The following BNC2 variants were observed in gnomAD, a reference collection of about 807,000 sequenced individuals.
BNC2 encodes zinc finger protein basonuclin-2.
BNC2 carries 20 observed loss-of-function variants against 76.3 expected under a neutral mutation model. The ratio of observed to expected loss-of-function variants is 0.26; its 90% CI spans 0.18 to 0.38. The LOEUF is 0.38. Ranked by LOEUF, BNC2 falls within the 10% of genes least tolerant of loss-of-function variation. The pLI is 1.00. For missense variants in BNC2, 1,382 were observed against 1,399.8 expected (o/e 0.99, Z 0.20); for synonymous variants, 582 against 514.8 (o/e 1.13, Z -1.77).
At chr9:16,776,334 T>C (rs1459080704) in intron 1 of BNC2, among the ~76,000 whole-genome samples, 1 of 152,076 alleles carries the variant, frequency 6.6e-6, no homozygotes, top group African/African-American at 2.4e-5. Context: ...GAGACGGGGT[T>C]TCACCATGTT....
intron 6 of BNC2, among the ~76,000 whole-genome samples, chr9:16,433,527 A>C (rs1490605024): frequency 6.6e-6 from 1 of 152,180 alleles, no homozygotes; most frequent in Admixed American, 6.5e-5. Flanking sequence ...CACTCACTAA[A>C]ATCCTGATAC....
At chr9:16,641,105 G>C (rs1470394623) in intron 3 of BNC2, among the ~76,000 whole-genome samples, 1 of 152,084 alleles carries the variant, frequency 6.6e-6, no homozygotes, top group African/African-American at 2.4e-5. Flanking sequence ...AAAATACAAA[G>C]AATGAAGGCT....
intron 4 of BNC2, among the ~76,000 whole-genome samples, chr9:16,577,618 A>G (rs1819522238): frequency 6.6e-6 from 1 of 152,216 alleles, no homozygotes; most frequent in Non-Finnish European, 1.5e-5. Flanking sequence ...AGGAGTTTGG[A>G]GAAAATATAG....
At chr9:16,535,884 C>G (rs1818116025) in intron 5 of BNC2, among the ~76,000 whole-genome samples, 1 of 152,070 alleles carries the variant, frequency 6.6e-6, no homozygotes, top group Non-Finnish European at 1.5e-5. Context: ...CCTTAAGAAC[C>G]CTACAACTAT....
intron 5 of BNC2, among the ~76,000 whole-genome samples, chr9:16,523,655 C>T (rs145519547): frequency 1.2e-4 from 18 of 152,156 alleles, no homozygotes; most frequent in African/African-American, 4.3e-4. Flanking sequence ...TGGCCCAGCG[C>T]GGTGGCTCAC....
chr9:16,511,241 G>A (rs897971071), intron 5 of BNC2, among the ~76,000 whole-genome samples: 3 of 149,814 alleles, frequency 2.0e-5, no homozygotes, highest in African/African-American at 7.4e-5. Context: ...TCCTGAGTAG[G>A]TGAGACTACA....
intron 4 of BNC2, among the ~76,000 whole-genome samples, chr9:16,567,322 T>C (rs1207140050): frequency 6.6e-6 from 1 of 151,896 alleles, no homozygotes; most frequent in African/African-American, 2.4e-5. Context: ...AAATGTAAAG[T>C]AATATGTACT....
chr9:16,450,231 C>A (rs1003279811), intron 5 of BNC2, among the ~76,000 whole-genome samples: 1 of 152,196 alleles, frequency 6.6e-6, no homozygotes, highest in Non-Finnish European at 1.5e-5. Context: ...ACAGTGACCA[C>A]ATCTGCTCTG....
At chr9:16,663,390 A>T (rs1822171613) in intron 3 of BNC2, among the ~76,000 whole-genome samples, 1 of 151,944 alleles carries the variant, frequency 6.6e-6, no homozygotes, top group Non-Finnish European at 1.5e-5. Flanking sequence ...AGCCTCCCAA[A>T]GTGCTGGGAT....
At chr9:16,555,239 G>T (rs1188038038) in intron 4 of BNC2, among the ~76,000 whole-genome samples, 3 of 151,780 alleles carry the variant, frequency 2.0e-5, no homozygotes, top group Non-Finnish European at 2.9e-5. Context: ...TAGCCAGGAT[G>T]GTCTCGATCT....
At chr9:16,659,588 CAG>C (rs1822047583) in intron 3 of BNC2, among the ~76,000 whole-genome samples, 1 of 138,038 alleles carries the variant, frequency 7.2e-6, no homozygotes, top group Non-Finnish European at 1.5e-5. Context: ...AGCCCGGTGA[CAG>C]AGCGAGACTC....
chr9:16,425,153 T>C (rs2119204756), intron 6 of BNC2, among the ~76,000 whole-genome samples: 2 of 152,278 alleles, frequency 1.3e-5, no homozygotes, highest in Middle Eastern at 3.4e-3. Flanking sequence ...AACTCAGTCA[T>C]TTCAACCCCT....
chr9:16,605,782 TTC>T lies in BNC2; in HGVS notation c.331-22699_331-22698del, dbSNP rs1166262647. ...AATAAAGAGTCCAACCTTTCAAGAA[TTC>T]TTTTTTTTTTTTTTTTTTTTTTGAG... On this transcript the variant is annotated intron_variant, in intron 3 of 6. Transcript: ENST00000380672. Among the ~76,000 whole-genome samples, 453 of 141,576 alleles carry T rather than the reference TTC, an allele frequency of 3.2e-3. 2 individuals carry two copies. The highest frequency in any genetic ancestry group is 0.012 in the African/African-American group (419 of 35,608). The allele number at this position is 141,576 out of a possible 152,430, so 92.9% of individuals were successfully genotyped here. A position where few individuals can be genotyped will look rare whatever the true frequency, so the allele number is the denominator to read the frequency against.
intron 2 of BNC2, among the ~76,000 whole-genome samples, chr9:16,735,312 G>A (rs1384624995): frequency 1.3e-5 from 2 of 151,586 alleles, no homozygotes; most frequent in Non-Finnish European, 2.9e-5. Flanking sequence ...AGTAACAGTG[G>A]CTTCTTTATA....
intron 1 of BNC2, among the ~76,000 whole-genome samples, chr9:16,765,247 G>T (rs1825659382): frequency 6.6e-6 from 1 of 151,952 alleles, no homozygotes. Context: ...TGTTTTCTGG[G>T]GTCACAATGT....
chr9:16,448,086 TA>T (rs1821264565), intron 5 of BNC2, among the ~76,000 whole-genome samples: 1 of 152,098 alleles, frequency 6.6e-6, no homozygotes. Flanking sequence ...GACATAAAGA[TA>T]AATCCCTGGT....
chr9:16,517,633 T>C (rs1380221089), intron 5 of BNC2, among the ~76,000 whole-genome samples: 1 of 152,190 alleles, frequency 6.6e-6, no homozygotes, highest in Non-Finnish European at 1.5e-5. Flanking sequence ...TGGTGTCCTA[T>C]GATGCAAAGC....
intron 3 of BNC2, among the ~76,000 whole-genome samples, chr9:16,671,863 C>T (rs771492289): frequency 6.6e-6 from 1 of 152,202 alleles, no homozygotes; most frequent in Non-Finnish European, 1.5e-5. Flanking sequence ...ATCTACATAG[C>T]TCAACAATGA....
intron 3 of BNC2, among the ~76,000 whole-genome samples, chr9:16,583,808 A>C (rs1411409734): frequency 1.3e-5 from 2 of 152,218 alleles, no homozygotes; most frequent in Admixed American, 6.5e-5. Context: ...ATTTATGTGA[A>C]TATTTTATAT....
Sources: allele counts gnomAD v4.1 joint callset (sites outside exome capture counted in the v4.1 genomes callset), GRCh38; gene constraint gnomAD v4.1.1; transcripts MANE v1.5; gene names NCBI Gene and HGNC (gene_info 2026-07-23, HGNC 2026-07-21).